The following B4GALT6 variants were observed in gnomAD, a reference collection of about 807,000 sequenced individuals.
B4GALT6 encodes the protein UDP-Gal:beta-GlcNAc beta-1,4-galactosyltransferase 6.
A neutral mutation model predicts 46.3 loss-of-function variants in B4GALT6; 14 were observed. That is an observed-to-expected ratio of 0.30 (90% CI 0.20 to 0.47). The LOEUF (loss-of-function observed/expected upper bound fraction) is 0.47. B4GALT6 is among the 20% of genes least tolerant of loss of function. B4GALT6 has a pLI of 0.99. For missense variants in B4GALT6, 386 were observed against 480.1 expected, an observed-to-expected ratio of 0.80 and a Z score of 1.83; for synonymous variants, 168 against 162.0, an observed-to-expected ratio of 1.04 and a Z score of -0.28.
intron 2 of B4GALT6, among the ~76,000 whole-genome samples, chr18:31,659,452 G>A (rs982365941): frequency 6.6e-6 from 1 of 152,204 alleles, no homozygotes; most frequent in Non-Finnish European, 1.5e-5. Flanking sequence ...CTGAATGAAA[G>A]AGGCCCTGCC....
the B4GALT6 span, among the ~76,000 whole-genome samples, chr18:31,719,699 C>T: frequency 6.6e-6 from 1 of 152,126 alleles, no homozygotes; most frequent in Middle Eastern, 3.4e-3. Context: ...GATAATTTGG[C>T]GAGTAGGGGT....
rs1223596921 is a variant in B4GALT6, at chr18:31,658,852, T to C, written c.233-763A>G. On this transcript the variant is annotated intron_variant, in intron 2 of 8. Coordinates refer to ENST00000306851, the MANE Select transcript of B4GALT6 (RefSeq NM_004775.5). Reference sequence around the variant, plus strand: ...TGTGTAAGGTGCTGAGAACAATCCCTGGCCCATAGAAATAGCTAATAACTG... The same window carrying C: ...TGTGTAAGGTGCTGAGAACAATCCCCGGCCCATAGAAATAGCTAATAACTG... 2.6e-5 allele frequency among the ~76,000 whole-genome samples: 4 copies of C among 152,326 alleles called. No individual in the cohort carries two copies. In the East Asian group the frequency reaches 7.7e-4, roughly 29 times the overall value.
chr18:31,669,098 G>T (rs1014393082), intron 1 of B4GALT6, among the ~76,000 whole-genome samples: 3 of 151,564 alleles, frequency 2.0e-5, no homozygotes, highest in Non-Finnish European at 4.4e-5. Context: ...TTTGTTGAAT[G>T]CCTGCCCTCT....
At chr18:31,631,217 T>TTC in intron 5 of B4GALT6, 71 bp from the exon 6 acceptor site, 2 of 1,294,592 alleles carry the variant, frequency 1.5e-6, no homozygotes, top group Non-Finnish European at 2.1e-6. Context: ...TTTTTTTTTC[T>TTC]TTTTTTTGGT....
upstream of B4GALT6, chr18:31,684,750 C>A: frequency 9.2e-7 from 1 of 1,081,118 alleles, no homozygotes. Context: ...GCGTTTTCTC[C>A]GCCAAGCAGC....
chr18:31,697,232 T>A, the B4GALT6 span, among the ~76,000 whole-genome samples: 1 of 151,990 alleles, frequency 6.6e-6, no homozygotes, highest in Admixed American at 6.6e-5. Flanking sequence ...TGCCCCTGCA[T>A]TCCAGACTGG....
intron 2 of B4GALT6, 132 bp downstream of exon 2, chr18:31,666,124 A>G: frequency 1.9e-6 from 1 of 525,482 alleles, no homozygotes; most frequent in Non-Finnish European, 3.4e-6. Flanking sequence ...ACAGTAAAAT[A>G]ATCTACCAGG....
chr18:31,627,591 G>T (rs2073717534), intron 6 of B4GALT6, among the ~76,000 whole-genome samples: 1 of 152,090 alleles, frequency 6.6e-6, no homozygotes, highest in Non-Finnish European at 1.5e-5. Context: ...GCATTTAATT[G>T]TCTAGCTACC....
intron 2 of B4GALT6, among the ~76,000 whole-genome samples, chr18:31,659,564 T>A (rs2595370): frequency 0.23 from 35,016 of 151,990 alleles, 5,860 homozygotes; most frequent in African/African-American, 0.48. Flanking sequence ...AAAGAAGTGC[T>A]TGGAAACCCC....
At chr18:31,636,636 T>C (rs575206211) in intron 5 of B4GALT6, among the ~76,000 whole-genome samples, 1 of 152,242 alleles carries the variant, frequency 6.6e-6, no homozygotes, top group South Asian at 2.1e-4. Context: ...TCAGTATACA[T>C]TAACAGAAAA....
intron 4 of B4GALT6, among the ~76,000 whole-genome samples, chr18:31,640,737 T>G (rs1239173286): frequency 6.6e-6 from 1 of 152,090 alleles, no homozygotes; most frequent in Admixed American, 6.5e-5. Flanking sequence ...ATCCAAGACC[T>G]CCTTCCTGCC....
At chr18:31,651,631 G>C (rs147832652) in intron 3 of B4GALT6, among the ~76,000 whole-genome samples, 16 of 152,126 alleles carry the variant, frequency 1.1e-4, no homozygotes, top group African/African-American at 3.9e-4. Context: ...TAAACCGCGG[G>C]CTTCCTCAGG....
At chr18:31,650,185 T>TGTATAAA (rs1182650442) in intron 3 of B4GALT6, among the ~76,000 whole-genome samples, 1 of 152,216 alleles carries the variant, frequency 6.6e-6, no homozygotes, top group Non-Finnish European at 1.5e-5. Flanking sequence ...CACTGGCCTC[T>TGTATAAA]GTATAAAGTG....
At chr18:31,700,804 TA>T in the B4GALT6 span, among the ~76,000 whole-genome samples, 40 of 152,172 alleles carry the variant, frequency 2.6e-4, no homozygotes, top group Admixed American at 1.2e-3. Context: ...TTTGGTGTCA[TA>T]AGGTCAGTGC....
chr18:31,671,961 G>C (rs944387535), intron 1 of B4GALT6, among the ~76,000 whole-genome samples: 2 of 152,174 alleles, frequency 1.3e-5, no homozygotes, highest in African/African-American at 4.8e-5. Context: ...GAAAGCTTTT[G>C]GGCCAGGCAT....
At chr18:31,722,382 ATT>A in the B4GALT6 span, among the ~76,000 whole-genome samples, 1 of 152,198 alleles carries the variant, frequency 6.6e-6, no homozygotes, top group African/African-American at 2.4e-5. Flanking sequence ...ATAAGAATAT[ATT>A]TTTGTAACTT....
intron 3 of B4GALT6, among the ~76,000 whole-genome samples, chr18:31,652,198 C>G (rs991334887): frequency 1.3e-5 from 2 of 152,200 alleles, no homozygotes; most frequent in African/African-American, 4.8e-5. Context: ...TGCCACCAAA[C>G]TTCTCTCATT....
intron 1 of B4GALT6, among the ~76,000 whole-genome samples, chr18:31,678,318 A>T (rs2074438595): frequency 1.3e-5 from 2 of 152,176 alleles, no homozygotes; most frequent in Non-Finnish European, 1.5e-5. Context: ...CAGTTAGAAG[A>T]CTGGTCTTTT....
chr18:31,696,355 A>G, the B4GALT6 span, among the ~76,000 whole-genome samples: 165 of 152,300 alleles, frequency 1.1e-3, no homozygotes, highest in Non-Finnish European at 1.9e-3. Flanking sequence ...ATACAATTAA[A>G]CTAAAAAGAA....
Sources: allele counts gnomAD v4.1 joint callset (sites outside exome capture counted in the v4.1 genomes callset), GRCh38; gene constraint gnomAD v4.1.1; transcripts MANE v1.5; gene names NCBI Gene and HGNC (gene_info 2026-07-23, HGNC 2026-07-21).